The following TXNDC11 variants were observed in gnomAD, a reference collection of about 807,000 sequenced individuals.
TXNDC11 encodes thioredoxin domain containing 11.
A neutral mutation model predicts 78.0 loss-of-function variants in TXNDC11; 68 were observed. The observed-to-expected ratio is 0.87, with a 90% confidence interval of 0.72 to 1.07. The LOEUF (loss-of-function observed/expected upper bound fraction) is 1.07. TXNDC11 is among the 50% of genes least tolerant of loss of function. The pLI is 0.00. For synonymous variants in TXNDC11, 571 were observed against 495.2 expected, an observed-to-expected ratio of 1.15 and a Z score of -2.03; for missense variants, 1,389 against 1,221.8, an observed-to-expected ratio of 1.14 and a Z score of -2.04.
intron 4 of TXNDC11, among the ~76,000 whole-genome samples, chr16:11,727,562 G>C (rs1197179259): frequency 1.3e-5 from 2 of 151,890 alleles, no homozygotes; most frequent in African/African-American, 4.8e-5. Flanking sequence ...TTTTTTGTTT[G>C]TGTTTTTTGG....
At chr16:11,739,781 G>T (rs1255180797) in intron 1 of TXNDC11, among the ~76,000 whole-genome samples, 1 of 151,950 alleles carries the variant, frequency 6.6e-6, no homozygotes, top group Non-Finnish European at 1.5e-5. Context: ...ATTCACTGTG[G>T]CTCAACCTCA....
In TXNDC11 at chr16:11,679,116, A is replaced by T; in HGVS notation, c.*79T>A. ...ACCACTGAGAAAATCTTTATTTACA[A>T]TAAATTTCAATAAAATTTGCATAAA... On this transcript the variant is annotated 3_prime_UTR_variant, in exon 12 of 12. Transcript: ENST00000283033. The surrounding 1 kb of genome is among the most constrained non-coding windows in gnomAD (Gnocchi z 4.6). 7.0e-7 allele frequency: 1 copy of T among 1,433,490 alleles called. No homozygotes were observed. Among genetic ancestry groups the T allele is most frequent in the South Asian group, 1.3e-5 (1 of 77,762 alleles). The allele number at this position is 1,433,490 out of a possible 1,614,324, so 88.8% of individuals were successfully genotyped here.
chr16:11,737,910 C>G (rs531605927), intron 1 of TXNDC11, among the ~76,000 whole-genome samples: 2 of 142,754 alleles, frequency 1.4e-5, no homozygotes, highest in Non-Finnish European at 3.0e-5. Context: ...GACTGCCAGA[C>G]AGGATAAAGC....
intron 7 of TXNDC11, 109 bp downstream of exon 7, chr16:11,698,016 G>C (rs12921593): frequency 0.021 from 20,885 of 1,002,848 alleles, 356 homozygotes; most frequent in Middle Eastern, 0.071. Flanking sequence ...GCTGCCCCTC[G>C]TGGCAGCCAT....
chr16:11,688,056 C>A (rs967794573), intron 9 of TXNDC11, 90 bp from the exon 10 acceptor site: 2 of 1,077,500 alleles, frequency 1.9e-6, no homozygotes, highest in African/African-American at 3.1e-5. Flanking sequence ...AGCAAGCACC[C>A]GAAAAATGCT....
intron 5 of TXNDC11, among the ~76,000 whole-genome samples, chr16:11,712,733 G>T (rs1268518931): frequency 6.6e-6 from 1 of 151,982 alleles, no homozygotes; most frequent in African/African-American, 2.4e-5. Flanking sequence ...TGGCTGGACT[G>T]CTTGAACCCA....
chr16:11,694,764 T>TA (rs1321704641), intron 7 of TXNDC11, among the ~76,000 whole-genome samples: 3 of 152,268 alleles, frequency 2.0e-5, no homozygotes, highest in Non-Finnish European at 4.4e-5. Context: ...GCAATGCTCT[T>TA]AAAGAGTTAG....
At chr16:11,700,218 G>C (rs187971213) in intron 6 of TXNDC11, among the ~76,000 whole-genome samples, 1 of 152,142 alleles carries the variant, frequency 6.6e-6, no homozygotes, top group Non-Finnish European at 1.5e-5. Context: ...CAAAATCTAA[G>C]AATACAAATA....
chr16:11,737,908 G>C (rs887701815), intron 1 of TXNDC11, among the ~76,000 whole-genome samples: 9 of 146,012 alleles, frequency 6.2e-5, no homozygotes, highest in Non-Finnish European at 1.5e-5. Context: ...CAGACTGCCA[G>C]ACAGGATAAA....
chr16:11,713,280 CA>C (rs60166472), intron 5 of TXNDC11, among the ~76,000 whole-genome samples: 16,584 of 97,496 alleles, frequency 0.17, 1,146 homozygotes, highest in African/African-American at 0.28. Context: ...GACTCTGTCT[CA>C]AAAAAAAAAA....
At chr16:11,719,701 A>C (rs2051645386) in intron 5 of TXNDC11, among the ~76,000 whole-genome samples, 1 of 152,234 alleles carries the variant, frequency 6.6e-6, no homozygotes, top group African/African-American at 2.4e-5. Flanking sequence ...TACAGAAAGA[A>C]CACTAACATG....
Position 11,691,938 on chromosome 16 carries a change from T to A in TXNDC11, c.1252A>T (p.Ile418Phe). 2 of 1,612,176 alleles carry A rather than the reference T, an allele frequency of 1.2e-6. No homozygotes were observed. The highest frequency in any genetic ancestry group is 1.7e-6 in the Non-Finnish European group (2 of 1,178,404). ...VPAQLPDPPT[I>F]TASPCCNTVV... ...GTGTTGCAGCAGGGGGACGCTGTGATCGTTGGCGGGTCTGGCAGCTGTGCC... is the reference window on the plus strand; with the variant it reads ...GTGTTGCAGCAGGGGGACGCTGTGAACGTTGGCGGGTCTGGCAGCTGTGCC... Residue 418 changes from isoleucine (I) to phenylalanine (F), a missense_variant, in exon 8 of 12, where the codon ATC (isoleucine) becomes TTC (phenylalanine). Physicochemically the swap from Ile to Phe is conservative, Grantham distance 21. Transcript: ENST00000283033.
At chr16:11,680,556 C>T (rs983779436) in intron 11 of TXNDC11, among the ~76,000 whole-genome samples, 1 of 152,242 alleles carries the variant, frequency 6.6e-6, no homozygotes, top group Non-Finnish European at 1.5e-5. Context: ...GAAAATTCCT[C>T]TTCAGAACTT....
chr16:11,686,174 T>G (rs555370114), intron 10 of TXNDC11, among the ~76,000 whole-genome samples: 1 of 152,330 alleles, frequency 6.6e-6, no homozygotes, highest in East Asian at 1.9e-4. Flanking sequence ...GCCAGGCTGG[T>G]CTCGAACTCC....
intron 5 of TXNDC11, among the ~76,000 whole-genome samples, chr16:11,718,706 A>AAGGATTAATT (rs1387950159): frequency 1.3e-5 from 2 of 152,336 alleles, no homozygotes; most frequent in Admixed American, 1.3e-4. Flanking sequence ...ATGGGGTGAA[A>AAGGATTAATT]AGGATTAATT....
Position 11,679,791 on chromosome 16 carries a change from G to A in TXNDC11, c.2281C>T (p.Pro761Ser), listed in dbSNP as rs955944054. 7 of 1,614,114 alleles carry A rather than the reference G, an allele frequency of 4.3e-6. No individual in the cohort carries two copies. Among genetic ancestry groups the A allele is most frequent in the Non-Finnish European group, 5.9e-6 (7 of 1,179,970 alleles). Residue 761 changes from proline to serine, a missense_variant, in exon 12 of 12, where the codon CCA becomes TCA. By Grantham distance (74) the Pro-to-Ser change is moderately conservative. Coordinates refer to ENST00000283033, the MANE Select transcript of TXNDC11 (RefSeq NM_015914.7). The surrounding 1 kb of genome is among the most constrained non-coding windows in gnomAD (Gnocchi z 4.6). Reference sequence around the variant, plus strand: ...TGCAAAATGAACCTCAACAGGTTTGGAAGGGTGATGGGGACGTCTTCGGGG... The same window carrying A: ...TGCAAAATGAACCTCAACAGGTTTGAAAGGGTGATGGGGACGTCTTCGGGG... ...KYPEDVPITLPNLLRFILHHS... is the reference protein window; with the variant it reads ...KYPEDVPITLSNLLRFILHHS...
At chr16:11,698,059 G>T in intron 7 of TXNDC11, 66 bp downstream of exon 7, 1 of 1,461,496 alleles carries the variant, frequency 6.8e-7, no homozygotes, top group Non-Finnish European at 9.6e-7. Context: ...AGTGTGGGAT[G>T]AGAGGAGCCA....
Position 11,742,812 on chromosome 16 carries a change from C to G in TXNDC11, c.-82G>C. 2.9e-6 allele frequency: 4 copies of G among 1,374,368 alleles called. No homozygotes were observed. Among genetic ancestry groups the G allele is most frequent in the Non-Finnish European group, 3.7e-6 (4 of 1,069,428 alleles). 85.1% of individuals were successfully genotyped at this position (1,374,368 alleles called of 1,614,324 possible). ...CGGCCCGGCCCGTTGCTCCCCAATC[C>G]CGCAGCTCGCCGCACCCGCTAACCC... is the stretch of plus-strand genomic sequence containing the variant. On this transcript the variant is annotated 5_prime_UTR_variant, in exon 1 of 12. Coordinates refer to ENST00000283033, the MANE Select transcript of TXNDC11 (RefSeq NM_015914.7).
At chr16:11,712,391 C>T (rs952355581) in intron 5 of TXNDC11, among the ~76,000 whole-genome samples, 9 of 152,126 alleles carry the variant, frequency 5.9e-5, no homozygotes, top group African/African-American at 1.9e-4. Context: ...GCACCCATCT[C>T]CACTGAGCCA....
Sources: gnomAD v4.1 joint callset for allele counts (sites outside exome capture counted in the v4.1 genomes callset) on GRCh38, gnomAD v4.1.1 for gene constraint, Gnocchi (gnomAD v3.1) non-coding constraint, MANE v1.5 for transcripts, NCBI Gene and HGNC (gene_info 2026-07-23, HGNC 2026-07-21) for gene names.